The following PKHD1 variants were observed in gnomAD, a reference collection of about 807,000 sequenced individuals.
PKHD1 encodes fibrocystin.
In PKHD1, 291 loss-of-function variants were observed where a neutral mutation model predicts 412.0. The observed-to-expected ratio is 0.71, with a 90% CI of 0.64 to 0.78. PKHD1 has a LOEUF of 0.78. Among genes scored for constraint, PKHD1 ranks in the 30% least tolerant of loss-of-function variants. PKHD1 has a pLI of 0.00. For synonymous variants in PKHD1, 1,777 were observed against 1,821.5 expected (o/e 0.98, Z 0.62); for missense variants, 4,825 against 4,950.7 (o/e 0.97, Z 0.76).
chr6:52,050,652 C>G (rs1286192787), intron 21 of PKHD1, among the ~76,000 whole-genome samples: 1 of 152,328 alleles, frequency 6.6e-6, no homozygotes, highest in East Asian at 1.9e-4. Context: ...CTTCCCACAG[C>G]CCCTGGCAAC....
chr6:51,787,227 C>T (rs368810109), intron 53 of PKHD1, among the ~76,000 whole-genome samples: 14 of 152,058 alleles, frequency 9.2e-5, no homozygotes, highest in Middle Eastern at 3.4e-3. Flanking sequence ...GGCATGGTGG[C>T]GAGCAGCTAT....
chr6:52,007,258 A>G (rs1799206055), intron 35 of PKHD1, among the ~76,000 whole-genome samples: 1 of 152,162 alleles, frequency 6.6e-6, no homozygotes, highest in African/African-American at 2.4e-5. Context: ...TCTTTAAGGA[A>G]TCTCCACACT....
chr6:51,815,357 G>A lies in PKHD1; in HGVS notation c.8302+15504C>T, dbSNP rs187582436. ...ATCCAAGGTGTTGTAGGAACCCAGC[G>A]GAAGGAGAATTAAATCAAATGAGGA... is the stretch of plus-strand genomic sequence containing the variant. On this transcript the variant is annotated intron_variant, in intron 52 of 66. Coordinates refer to ENST00000371117, the MANE Select transcript of PKHD1 (RefSeq NM_138694.4). 6.2e-4 allele frequency among the ~76,000 whole-genome samples: 94 copies of A among 152,258 alleles called. 1 individual carries two copies. The highest frequency in any genetic ancestry group is 2.0e-3 in the African/African-American group (83 of 41,552).
chr6:51,755,491 C>A (rs1786838344), intron 55 of PKHD1, among the ~76,000 whole-genome samples: 1 of 152,152 alleles, frequency 6.6e-6, no homozygotes, highest in Non-Finnish European at 1.5e-5. Flanking sequence ...ATATCCTCAT[C>A]TGAAAAGGCT....
Position 52,050,219 on chromosome 6 carries a change from C to A in PKHD1, c.2217G>T (p.Pro739=), listed in dbSNP as rs373367366. 60 of 1,614,022 alleles carry A rather than the reference C, an allele frequency of 3.7e-5. No homozygotes were observed. The highest frequency in any genetic ancestry group is 4.9e-5 in the Non-Finnish European group (58 of 1,179,986). ...CCAGCCAGGAGGTGACACTGTAGAC[C>A]GGAGGGGATCCCACCACAGAGACTG... ...VESVSVVGSP[P]VYSVTSWLAG... Residue 739 remains proline, a synonymous_variant, in exon 22 of 67, where the codon CCG becomes CCT. Coordinates refer to ENST00000371117, the MANE Select transcript of PKHD1 (RefSeq NM_138694.4).
At chr6:52,047,711 T>C (rs1360099902) in intron 23 of PKHD1, among the ~76,000 whole-genome samples, 1 of 152,194 alleles carries the variant, frequency 6.6e-6, no homozygotes, top group East Asian at 1.9e-4. Flanking sequence ...AGAAGAGGAC[T>C]GACCCAGGAA....
chr6:51,985,017 AG>A (rs1352189990), intron 35 of PKHD1, among the ~76,000 whole-genome samples: 1 of 150,076 alleles, frequency 6.7e-6, no homozygotes, highest in Non-Finnish European at 1.5e-5. Context: ...ATTTTTCCAT[AG>A]AAAAAAAAAA....
chr6:51,891,712 AAC>A (rs58262423), intron 43 of PKHD1, among the ~76,000 whole-genome samples: 4,334 of 143,116 alleles, frequency 0.03, 138 homozygotes, highest in African/African-American at 0.078. Flanking sequence ...TTCCACAAGG[AAC>A]ACACACACAC....
chr6:51,660,877 T>A (rs891418514), intron 60 of PKHD1, among the ~76,000 whole-genome samples: 2 of 152,116 alleles, frequency 1.3e-5, no homozygotes, highest in Non-Finnish European at 2.9e-5. Context: ...AAGTTATTGG[T>A]TGTTGGTGAT....
chr6:51,794,680 T>G (rs1794316106), intron 52 of PKHD1, among the ~76,000 whole-genome samples: 1 of 152,222 alleles, frequency 6.6e-6, no homozygotes. Flanking sequence ...TTATTCCATC[T>G]TGAGTTGATT....
chr6:51,925,973 T>TAAAAAAAAAAA (rs11430320), intron 37 of PKHD1, among the ~76,000 whole-genome samples: 1 of 140,322 alleles, frequency 7.1e-6, no homozygotes, highest in Non-Finnish European at 1.5e-5. Context: ...CAATGCAGAT[T>TAAAAAAAAAAA]AAAAAAAAAA....
chr6:51,909,298 C>A lies in PKHD1; in HGVS notation c.6667G>T (p.Val2223Leu), dbSNP rs1448595607. The change falls in exon 40 of 67, where the codon GTG becomes TTG. Residue 2223 changes from valine to leucine, a missense_variant. Coordinates refer to ENST00000371117, the MANE Select transcript of PKHD1 (RefSeq NM_138694.4). Reference protein sequence around the residue: ...FHKHLSSLTLVGAMRESFIQG... With the variant: ...FHKHLSSLTLLGAMRESFIQG... Reference sequence around the variant, plus strand: ...ACCCCCTTACCTCTCATAGCTCCCACCAGAGTGAGTGAGCTCAGATGCTTA... The same window carrying A: ...ACCCCCTTACCTCTCATAGCTCCCAACAGAGTGAGTGAGCTCAGATGCTTA... The A allele has an allele frequency of 2.5e-6, 4 of 1,613,326 alleles. No homozygotes were observed. The highest frequency in any genetic ancestry group is 1.7e-6 in the Non-Finnish European group (2 of 1,179,488).
chr6:52,053,598 C>A (rs1432700446), intron 20 of PKHD1, among the ~76,000 whole-genome samples: 4 of 152,112 alleles, frequency 2.6e-5, no homozygotes, highest in Non-Finnish European at 5.9e-5. Flanking sequence ...CTGGACATTA[C>A]CAGTTTCATT....
At chr6:51,628,459 C>T (rs2661491) in intron 65 of PKHD1, among the ~76,000 whole-genome samples, 6,506 of 152,176 alleles carry the variant, frequency 0.043, 237 homozygotes, top group African/African-American at 0.093. Flanking sequence ...TATCACATTT[C>T]CTTTATCCAG....
At chr6:51,674,540 C>G (rs958618428) in intron 60 of PKHD1, among the ~76,000 whole-genome samples, 2 of 152,026 alleles carry the variant, frequency 1.3e-5, no homozygotes, top group African/African-American at 4.8e-5. Context: ...AATTTTAACT[C>G]AGTATAATTA....
At chr6:52,010,821 AT>A (rs1799712014) in intron 34 of PKHD1, among the ~76,000 whole-genome samples, 1 of 151,652 alleles carries the variant, frequency 6.6e-6, no homozygotes, top group East Asian at 1.9e-4. Context: ...TTTTGTTTTT[AT>A]TTTTTTTCTT....
intron 20 of PKHD1, 94 bp downstream of exon 20, chr6:52,053,944 A>C: frequency 7.6e-7 from 1 of 1,308,694 alleles, no homozygotes; most frequent in South Asian, 1.2e-5. Flanking sequence ...CCCAAATATA[A>C]GACCATTAGT....
intron 60 of PKHD1, among the ~76,000 whole-genome samples, chr6:51,693,471 A>C (rs1778417794): frequency 6.6e-6 from 1 of 152,260 alleles, no homozygotes; most frequent in African/African-American, 2.4e-5. Context: ...GACCTTGTGA[A>C]GTGGTTTACA....
chr6:51,702,662 T>C (rs1023183826), intron 60 of PKHD1, among the ~76,000 whole-genome samples: 4 of 151,958 alleles, frequency 2.6e-5, no homozygotes, highest in Non-Finnish European at 5.9e-5. Flanking sequence ...CAAGAAACTT[T>C]GATTCCAAGA....
Sources: allele counts gnomAD v4.1 joint callset (sites outside exome capture counted in the v4.1 genomes callset), GRCh38; gene constraint gnomAD v4.1.1; transcripts MANE v1.5; gene names NCBI Gene and HGNC (gene_info 2026-07-23, HGNC 2026-07-21).